Variants in ZFAND3 observed in about 807,000 individuals in gnomAD.
ZFAND3 encodes the protein zinc finger AN1-type containing 3.
In ZFAND3, 10 loss-of-function variants were observed where a neutral mutation model predicts 29.6. The ratio of observed to expected loss-of-function variants is 0.34; its 90% confidence interval spans 0.21 to 0.57. The LOEUF (loss-of-function observed/expected upper bound fraction) is 0.57, where lower values mean the gene tolerates loss of function less well. Ranked by LOEUF, ZFAND3 falls within the 20% of genes least tolerant of loss-of-function variation. The pLI, the probability that ZFAND3 is intolerant of heterozygous loss-of-function variation, is 0.86. For missense variants in ZFAND3, 230 were observed against 304.5 expected (o/e 0.76, Z 1.82); for synonymous variants, 128 against 112.6 (o/e 1.14, Z -0.87).
intron 1 of ZFAND3, among the ~76,000 whole-genome samples, chr6:37,899,482 T>C (rs1765279786): frequency 6.6e-6 from 1 of 152,200 alleles, no homozygotes; most frequent in Non-Finnish European, 1.5e-5. Context: ...CCTGTTCATT[T>C]TTGTGTTGTG....
At chr6:37,842,684 G>C (rs192152427) in intron 1 of ZFAND3, among the ~76,000 whole-genome samples, 19 of 152,112 alleles carry the variant, frequency 1.2e-4, no homozygotes, top group Admixed American at 1.1e-3. Flanking sequence ...AATTTACTTA[G>C]ATAACTTTAT....
chr6:37,961,408 C>G (rs935213406), intron 2 of ZFAND3, among the ~76,000 whole-genome samples: 2 of 152,254 alleles, frequency 1.3e-5, no homozygotes, highest in African/African-American at 4.8e-5. Context: ...CCTCTGGCCC[C>G]TCCAGGATCC....
chr6:38,096,652 T>C (rs1325574952), intron 4 of ZFAND3, among the ~76,000 whole-genome samples: 2 of 152,196 alleles, frequency 1.3e-5, no homozygotes, highest in African/African-American at 4.8e-5. Flanking sequence ...TTTTTTTGTT[T>C]TGTTTTGTTT....
intron 2 of ZFAND3, among the ~76,000 whole-genome samples, chr6:37,939,040 G>A (rs2127416277): frequency 6.6e-6 from 1 of 152,264 alleles, no homozygotes; most frequent in East Asian, 1.9e-4. Context: ...TATCCATTGT[G>A]GCATAGAGAG....
At chr6:38,083,827 C>T (rs1208999482) in intron 4 of ZFAND3, among the ~76,000 whole-genome samples, 2 of 151,484 alleles carry the variant, frequency 1.3e-5, no homozygotes, top group African/African-American at 4.8e-5. Context: ...TTGTGTCCAT[C>T]TTCTAGGTAG....
At chr6:37,980,745 G>A (rs1187180908) in intron 2 of ZFAND3, among the ~76,000 whole-genome samples, 1 of 147,414 alleles carries the variant, frequency 6.8e-6, no homozygotes, top group African/African-American at 2.5e-5. Flanking sequence ...ATGACTTCAT[G>A]ATCTATCGTA....
chr6:37,929,024 G>A (rs1240679205), intron 1 of ZFAND3, among the ~76,000 whole-genome samples: 2 of 152,140 alleles, frequency 1.3e-5, no homozygotes, highest in Non-Finnish European at 2.9e-5. Context: ...TGATTTCTAA[G>A]ACCCCCTTCT....
At chr6:37,883,859 A>T (rs1346094945) in intron 1 of ZFAND3, among the ~76,000 whole-genome samples, 1 of 145,194 alleles carries the variant, frequency 6.9e-6, no homozygotes, top group Admixed American at 6.7e-5. Flanking sequence ...CCTTTTCATT[A>T]TCTATTTCCC....
intron 2 of ZFAND3, among the ~76,000 whole-genome samples, chr6:37,996,752 T>C (rs1304266244): frequency 6.6e-6 from 1 of 152,200 alleles, no homozygotes; most frequent in Non-Finnish European, 1.5e-5. Context: ...TATATATGCA[T>C]ATTTTTGCAG....
intron 2 of ZFAND3, among the ~76,000 whole-genome samples, chr6:38,002,334 G>C (rs1762964443): frequency 6.7e-6 from 1 of 148,248 alleles, no homozygotes; most frequent in South Asian, 2.1e-4. Context: ...ATGTTTCCCA[G>C]GTTTACTTTT....
intron 2 of ZFAND3, among the ~76,000 whole-genome samples, chr6:37,963,464 A>G (rs528484777): frequency 3.3e-5 from 5 of 152,338 alleles, no homozygotes; most frequent in African/African-American, 1.2e-4. Flanking sequence ...CAAAATTAGT[A>G]GAAGAAAAAG....
chr6:38,146,775 C>T (rs1766118548), intron 5 of ZFAND3, among the ~76,000 whole-genome samples: 1 of 152,188 alleles, frequency 6.6e-6, no homozygotes, highest in Non-Finnish European at 1.5e-5. Context: ...TCCCCTATCC[C>T]TTATCCTCCT....
intron 5 of ZFAND3, among the ~76,000 whole-genome samples, chr6:38,140,737 G>T (rs1471938398): frequency 1.3e-5 from 2 of 152,168 alleles, no homozygotes; most frequent in South Asian, 4.1e-4. Flanking sequence ...ACACCCCCAA[G>T]TGAAATGGAA....
intron 2 of ZFAND3, among the ~76,000 whole-genome samples, chr6:38,049,290 C>T (rs998229052): frequency 6.6e-6 from 1 of 152,198 alleles, no homozygotes; most frequent in Non-Finnish European, 1.5e-5. Context: ...AGAGGAATAG[C>T]AATCATGGTT....
At chr6:38,033,777 C>G (rs1763608008) in intron 2 of ZFAND3, among the ~76,000 whole-genome samples, 1 of 152,118 alleles carries the variant, frequency 6.6e-6, no homozygotes, top group Admixed American at 6.5e-5. Context: ...TTCATGTTCT[C>G]TCTGAAAGCT....
chr6:37,867,968 C>G (rs934691304), intron 1 of ZFAND3, among the ~76,000 whole-genome samples: 6 of 152,014 alleles, frequency 3.9e-5, no homozygotes, highest in African/African-American at 1.5e-4. Flanking sequence ...CTTTTTGTTT[C>G]ACATTTAAAC....
chr6:38,009,888 G>C (rs752474378), intron 2 of ZFAND3, among the ~76,000 whole-genome samples: 1 of 152,162 alleles, frequency 6.6e-6, no homozygotes, highest in African/African-American at 2.4e-5. Flanking sequence ...TTTATCACTT[G>C]TTTTGGCCTT....
intron 1 of ZFAND3, among the ~76,000 whole-genome samples, chr6:37,918,410 C>T (rs1761304832): frequency 6.6e-6 from 1 of 151,696 alleles, no homozygotes; most frequent in South Asian, 2.1e-4. Flanking sequence ...CCTCCAGCTT[C>T]TAGAAGTACC....
At chr6:38,108,436 A>G (rs1223127390) in intron 4 of ZFAND3, among the ~76,000 whole-genome samples, 1 of 152,180 alleles carries the variant, frequency 6.6e-6, no homozygotes, top group Non-Finnish European at 1.5e-5. Context: ...CAAGTCCAAA[A>G]GCCCCCAAAC....
Sources: gnomAD v4.1 joint callset for allele counts (sites outside exome capture counted in the v4.1 genomes callset) on GRCh38, gnomAD v4.1.1 for gene constraint, MANE v1.5 for transcripts, NCBI Gene and HGNC (gene_info 2026-07-23, HGNC 2026-07-21) for gene names.